SFTPB: variants seen among roughly 807,000 people sequenced by gnomAD.
The protein encoded by SFTPB is surfactant protein B, also known as pulmonary surfactant-associated protein B.
In SFTPB, 32 loss-of-function variants were observed where a neutral mutation model predicts 51.0. The observed-to-expected ratio is 0.63, with a 90% confidence interval of 0.47 to 0.84. SFTPB has a LOEUF of 0.84. Ranked by LOEUF, SFTPB falls within the 40% of genes least tolerant of loss-of-function variation. SFTPB has a pLI of 0.00. For missense variants in SFTPB, 431 were observed against 491.2 expected (o/e 0.88, Z 1.16); for synonymous variants, 211 against 208.5 (o/e 1.01, Z -0.10).
rs2104401660 is a variant in SFTPB, at chr2:85,663,703, G to A, written c.817C>T (p.Leu273Phe). Residue 273 changes from leucine (L) to phenylalanine (F), a missense_variant, in exon 7 of 11, where the codon CTC (leucine) becomes TTC (phenylalanine). Leu to Phe is a conservative substitution (Grantham distance 22, BLOSUM62 0). Coordinates refer to ENST00000519937, the MANE Select transcript of SFTPB (RefSeq NM_000542.5). Reference protein sequence around the residue: ...GRMLPQLVCRLVLRCSMDDSA... With the variant: ...GRMLPQLVCRFVLRCSMDDSA... The stretch of plus-strand genomic sequence containing the variant: ...TCATCCATGGAGCACCGGAGGACGA[G>A]GCGGCAGACCAGCTGGGGCAGCATG... 1 of 1,612,850 alleles carries A rather than the reference G, an allele frequency of 6.2e-7. No individual in the cohort carries two copies. Among genetic ancestry groups the A allele is most frequent in the Non-Finnish European group, 8.5e-7 (1 of 1,179,626 alleles).
chr2:85,661,633 T>A, intron 9 of SFTPB, 98 bp from the exon 10 acceptor site: 1 of 983,024 alleles, frequency 1.0e-6, no homozygotes, highest in African/African-American at 1.6e-5. Flanking sequence ...ACCTCCCGCC[T>A]AGTGGGTGCT....
chr2:85,667,817 G>C lies in SFTPB; in HGVS notation c.68-11C>G. 6.2e-7 allele frequency: 1 copy of C among 1,614,238 alleles called. No individual in the cohort carries two copies. Among genetic ancestry groups the C allele is most frequent in the Non-Finnish European group, 8.5e-7 (1 of 1,180,044 alleles). ...AGGTGGTCCAGGCAGCTGTGGTTTGGGGCCAGAGCAACCTTAATCAGGATC... is the reference window on the plus strand; with the variant it reads ...AGGTGGTCCAGGCAGCTGTGGTTTGCGGCCAGAGCAACCTTAATCAGGATC... On this transcript the variant is annotated splice_polypyrimidine_tract_variant and intron_variant, in intron 1 of 10. Transcript: ENST00000519937.
intron 3 of SFTPB, 120 bp downstream of exon 3, chr2:85,666,986 C>T: frequency 2.0e-6 from 2 of 1,015,410 alleles, no homozygotes; most frequent in Non-Finnish European, 3.1e-6. Flanking sequence ...GCTGGGACTT[C>T]CCAGGCACCC....
rs537548634 is a variant in SFTPB at position 85,658,997 on chromosome 2, A to C, written c.*705T>G. The C allele has an allele frequency of 4.6e-4, 70 of 152,242 alleles. No homozygotes were observed. The highest frequency in any genetic ancestry group is 1.6e-3 in the African/African-American group (68 of 41,530). 9.4% of individuals were successfully genotyped at this position (152,242 alleles called of 1,614,324 possible). A position where few individuals can be genotyped will look rare whatever the true frequency, so the allele number is the denominator to read the frequency against. On this transcript the variant is annotated 3_prime_UTR_variant, in exon 11 of 11. Coordinates refer to ENST00000519937, the MANE Select transcript of SFTPB (RefSeq NM_000542.5). ...GAAATAGAATCACCCTAGGACTTTCAATCAAAAGCTGGAAGTCCACCTTAC... is the reference window on the plus strand; with the variant it reads ...GAAATAGAATCACCCTAGGACTTTCCATCAAAAGCTGGAAGTCCACCTTAC...
chr2:85,667,524 C>T (rs912789505), intron 2 of SFTPB, among the ~76,000 whole-genome samples, 155 bp downstream of exon 2: 1 of 152,180 alleles, frequency 6.6e-6, no homozygotes, highest in African/African-American at 2.4e-5. Flanking sequence ...CCATCGCATC[C>T]ATCCCATTCC....
At chr2:85,666,092 T>C (rs1677574458) in intron 4 of SFTPB, among the ~76,000 whole-genome samples, 1 of 152,180 alleles carries the variant, frequency 6.6e-6, no homozygotes, top group East Asian at 1.9e-4. Flanking sequence ...AGGCCCACCG[T>C]GTGCACCTGA....
rs1480688277 is a variant in SFTPB at position 85,666,750 on chromosome 2, G to C, written c.268-8C>G. The stretch of plus-strand genomic sequence containing the variant: ...GAACTTCCTCATCGTGTCCTGGGAG[G>C]CCAGAGGGGGCCGTCAGCTGGGCCT... On this transcript the variant is annotated splice_polypyrimidine_tract_variant and splice_region_variant and intron_variant, in intron 3 of 10. Coordinates refer to ENST00000519937, the MANE Select transcript of SFTPB (RefSeq NM_000542.5). 6.2e-7 allele frequency: 1 copy of C among 1,613,516 alleles called. No homozygotes were observed. Among genetic ancestry groups the C allele is most frequent in the African/African-American group, 1.3e-5 (1 of 74,872 alleles).
In SFTPB at chr2:85,657,903, T is replaced by C. The variant is rs1180417550; in HGVS notation, c.*1799A>G. The stretch of plus-strand genomic sequence containing the variant: ...TCTTAAGGGTGCGGGGGTGCGGGCG[T>C]GGGGTGGGTGGGGAGAATATTACAA... On this transcript the variant is annotated 3_prime_UTR_variant, in exon 11 of 11. Coordinates refer to ENST00000519937, the MANE Select transcript of SFTPB (RefSeq NM_000542.5). The C allele has an allele frequency of 1.1e-5, 1 of 94,992 alleles. No individual in the cohort carries two copies. Among genetic ancestry groups the C allele is most frequent in the African/African-American group, 4.1e-5 (1 of 24,220 alleles). 5.9% of individuals were successfully genotyped at this position (94,992 alleles called of 1,614,324 possible).
Position 85,667,186 on chromosome 2 carries a change from G to A in SFTPB, c.196-9C>T. 1 of 1,611,858 alleles carries A rather than the reference G, an allele frequency of 6.2e-7. No individual in the cohort carries two copies. Among genetic ancestry groups the A allele is most frequent in the South Asian group, 1.1e-5 (1 of 91,036 alleles). On this transcript the variant is annotated splice_polypyrimidine_tract_variant and intron_variant, in intron 2 of 10. Coordinates refer to ENST00000519937, the MANE Select transcript of SFTPB (RefSeq NM_000542.5). ...TCTTGGCATAGGTCATCCTGGGGAG[G>A]GAGGGGCCCCAAGGTGGAGGACACA...
At chr2:85,666,506 T>TGC in intron 4 of SFTPB, 111 bp downstream of exon 4, 4 of 1,087,486 alleles carry the variant, frequency 3.7e-6, no homozygotes, top group Non-Finnish European at 5.4e-6. Flanking sequence ...TGTGTGTGTG[T>TGC]GTGTGTGTGT....
chr2:85,668,368 G>A, upstream of SFTPB: 1 of 641,634 alleles, frequency 1.6e-6, no homozygotes, highest in Non-Finnish European at 2.9e-6. Flanking sequence ...TGTCCTGGCT[G>A]ATGGCCTGTT....
At position 85,668,026 on chromosome 2, in the gene SFTPB, A is replaced by G. The variant is rs1456787985; in HGVS notation, c.67+91T>C. The G allele has an allele frequency of 4.0e-6, 5 of 1,258,382 alleles. No individual in the cohort carries two copies. In the African/African-American group the frequency reaches 7.4e-5, roughly 19 times the overall value. The allele number at this position is 1,258,382 out of a possible 1,614,324, so 78.0% of individuals were successfully genotyped here. A position where few individuals can be genotyped will look rare whatever the true frequency, so the allele number is the denominator to read the frequency against. On this transcript the variant is annotated intron_variant, in intron 1 of 10. Coordinates refer to ENST00000519937, the MANE Select transcript of SFTPB (RefSeq NM_000542.5). The stretch of plus-strand genomic sequence containing the variant: ...GAACCCCAGCTGCCTTGTCTTTAAA[A>G]TGAGGACAGACTTGGGTTAATGCCT...
At chr2:85,660,831 G>A (rs1175234870) in intron 10 of SFTPB, among the ~76,000 whole-genome samples, 1 of 152,144 alleles carries the variant, frequency 6.6e-6, no homozygotes, top group Non-Finnish European at 1.5e-5. Context: ...GAATTGTAAA[G>A]TGGGCCAAGC....
chr2:85,663,860 C>T lies in SFTPB; in HGVS notation c.673-13G>A, dbSNP rs1427166834. 14 of 1,571,344 alleles carry T rather than the reference C, an allele frequency of 8.9e-6. No homozygotes were observed. The highest frequency in any genetic ancestry group is 5.4e-5 in the Admixed American group (3 of 55,578). On this transcript the variant is annotated splice_polypyrimidine_tract_variant and intron_variant, in intron 6 of 10. Coordinates refer to ENST00000519937, the MANE Select transcript of SFTPB (RefSeq NM_000542.5). ...CAGCTAGCGCACCCTGGGGCGGGGG[C>T]GGAGAGAGGCCAGCATGGGACCTTC... is the stretch of plus-strand genomic sequence containing the variant.
At chr2:85,666,470 T>TG (rs1677630396) in intron 4 of SFTPB, 147 bp downstream of exon 4, 22 of 755,842 alleles carry the variant, frequency 2.9e-5, no homozygotes, top group Non-Finnish European at 4.1e-5. Flanking sequence ...GTGCTGTGTG[T>TG]TTGTGTCTGG....
intron 4 of SFTPB, 68 bp downstream of exon 4, chr2:85,666,549 G>A (rs1396323082): frequency 1.1e-5 from 17 of 1,549,098 alleles, no homozygotes; most frequent in Middle Eastern, 3.4e-4. Flanking sequence ...CTGTGTGTGT[G>A]GCTCCCCATG....
chr2:85,659,853 C>T (rs545925228), intron 10 of SFTPB, among the ~76,000 whole-genome samples, 171 bp from the exon 11 acceptor site: 516 of 152,316 alleles, frequency 3.4e-3, no homozygotes, highest in Middle Eastern at 6.8e-3. Flanking sequence ...GGCGACTGCC[C>T]GGGTCCTGGG....
chr2:85,667,200 G>C (rs762755526), intron 2 of SFTPB, 23 bp from the exon 3 acceptor site: 7 of 1,583,284 alleles, frequency 4.4e-6, no homozygotes, highest in Non-Finnish European at 6.1e-6. Flanking sequence ...GGGCCCCAAG[G>C]TGGAGGACAC....
chr2:85,668,348 C>T (rs1020086297), upstream of SFTPB: 27 of 673,902 alleles, frequency 4.0e-5, no homozygotes, highest in Non-Finnish European at 5.4e-6. Context: ...CTCCTGCCTG[C>T]CTTACCACCT....
Sources: allele counts gnomAD v4.1 joint callset (sites outside exome capture counted in the v4.1 genomes callset), GRCh38; gene constraint gnomAD v4.1.1; transcripts MANE v1.5; gene names NCBI Gene and HGNC (gene_info 2026-07-23, HGNC 2026-07-21).